The following CSK variants were observed in gnomAD, a reference collection of about 807,000 sequenced individuals.
CSK encodes C-terminal Src kinase.
CSK carries 7 observed loss-of-function variants against 62.3 expected under a neutral mutation model. The observed-to-expected ratio is 0.11, with a 90% CI of 0.06 to 0.21. The LOEUF is 0.21. Among genes scored for constraint, CSK ranks in the 10% least tolerant of loss-of-function variants. CSK has a pLI of 1.00. For synonymous variants in CSK, 237 were observed against 246.0 expected (o/e 0.96, Z 0.34); for missense variants, 294 against 613.5 (o/e 0.48, Z 5.50).
intron 1 of CSK, among the ~76,000 whole-genome samples, chr15:74,791,719 G>C (rs2063623398): frequency 6.6e-6 from 1 of 152,118 alleles, no homozygotes; most frequent in Admixed American, 6.6e-5. Flanking sequence ...TTATGACATT[G>C]ACATGAAGAG....
intron 1 of CSK, among the ~76,000 whole-genome samples, chr15:74,783,477 C>G (rs1273399351): frequency 1.3e-5 from 2 of 152,218 alleles, no homozygotes; most frequent in African/African-American, 4.8e-5. Context: ...CACCCGGGAA[C>G]CGAGGCTCAA....
chr15:74,801,707 G>A lies in CSK; in HGVS notation c.900G>A (p.Glu300=), dbSNP rs924513746. The stretch of plus-strand genomic sequence containing the variant: ...GGCCTACCCCCAGAGATGTCTGCGA[G>A]GCCATGGAATACCTGGAGGGCAACA... ...CLLKFSLDVC[E]AMEYLEGNNF... The change falls in exon 11 of 13, where the codon GAG becomes GAA. Residue 300 remains glutamate, a synonymous_variant. Coordinates refer to ENST00000220003, the MANE Select transcript of CSK (RefSeq NM_004383.3). The A allele has an allele frequency of 2.2e-5, 35 of 1,613,224 alleles. No individual in the cohort carries two copies. The highest frequency in any genetic ancestry group is 2.7e-5 in the Non-Finnish European group (32 of 1,179,440).
chr15:74,801,408 C>G (rs1202654441), intron 9 of CSK, 114 bp from the exon 10 acceptor site: 1 of 1,040,958 alleles, frequency 9.6e-7, no homozygotes, highest in African/African-American at 1.6e-5. Context: ...CTCCCCACTC[C>G]TTCCCTGTCT....
chr15:74,785,543 A>G (rs1388956804), intron 1 of CSK, among the ~76,000 whole-genome samples: 1 of 152,220 alleles, frequency 6.6e-6, no homozygotes, highest in African/African-American at 2.4e-5. Flanking sequence ...TGATATAAAT[A>G]ACAGGATGGT....
chr15:74,802,328 C>T lies in CSK; in HGVS notation c.1171-3C>T, dbSNP rs2063805615. ...ACTGACTCCTGCCTCCCCCTGGCCA[C>T]AGCCCCTGAAGGACGTCGTCCCTCG... On this transcript the variant is annotated splice_region_variant and splice_polypyrimidine_tract_variant and intron_variant, in intron 12 of 12. Transcript: ENST00000220003. 6.3e-7 allele frequency: 1 copy of T among 1,581,846 alleles called. No individual in the cohort carries two copies. Among genetic ancestry groups the T allele is most frequent in the Non-Finnish European group, 8.6e-7 (1 of 1,168,338 alleles).
In CSK at chr15:74,798,908, T is replaced by G; in HGVS notation, c.212T>G (p.Val71Gly). ...PANYVQKREG[V>G]KAGTKLSLMP... Reference sequence around the variant, plus strand: ...AACTACGTCCAGAAGCGGGAGGGCGTGAAGGCGGGTACCAAACTCAGCCTC... The same window carrying G: ...AACTACGTCCAGAAGCGGGAGGGCGGGAAGGCGGGTACCAAACTCAGCCTC... The change falls in exon 4 of 13, where the codon GTG becomes GGG. Residue 71 changes from valine to glycine, a missense_variant. Physicochemically the swap from Val to Gly is moderately radical, Grantham distance 109 (BLOSUM62 -3). Around this residue, in one of 3 missense-constraint regions of CSK, gnomAD observed 202 missense variants for 415.7 expected, o/e 0.49. Coordinates refer to ENST00000220003, the MANE Select transcript of CSK (RefSeq NM_004383.3). This position sits in a 1 kb window ranked among gnomAD's most constrained non-coding sequence, Gnocchi z 6.6. The G allele has an allele frequency of 6.5e-7, 1 of 1,537,302 alleles. No individual in the cohort carries two copies. Among genetic ancestry groups the G allele is most frequent in the Non-Finnish European group, 8.7e-7 (1 of 1,143,078 alleles).
rs773409430 is a variant in CSK at position 74,798,591 on chromosome 15, G to C, written c.16-24G>C. 6.9e-6 allele frequency: 11 copies of C among 1,603,056 alleles called. No individual in the cohort carries two copies. In the South Asian group the frequency reaches 1.2e-4, roughly 18 times the overall value. On this transcript the variant is annotated intron_variant, in intron 2 of 12. Transcript: ENST00000220003. The surrounding 1 kb of genome is among the most constrained non-coding windows in gnomAD (Gnocchi z 6.6). Reference sequence around the variant, plus strand: ...GCTGGAGGGGGCCCAGGCTGCACCCGCCCACGTGTCACCTGCCTTGCAGGC... The same window carrying C: ...GCTGGAGGGGGCCCAGGCTGCACCCCCCCACGTGTCACCTGCCTTGCAGGC...
rs1349345732 is a variant in CSK, at chr15:74,800,997, C to A, written c.723-15C>A. 6.2e-7 allele frequency: 1 copy of A among 1,613,162 alleles called. No individual in the cohort carries two copies. The highest frequency in any genetic ancestry group is 1.1e-5 in the South Asian group (1 of 91,084). ...CACCAGCTTCCCCTTTCTGACCACT[C>A]TCGTCCTGCCCCAGGCAACTGCGGC... On this transcript the variant is annotated splice_polypyrimidine_tract_variant and intron_variant, in intron 8 of 12. Coordinates refer to ENST00000220003, the MANE Select transcript of CSK (RefSeq NM_004383.3).
intron 1 of CSK, chr15:74,788,712 T>C (rs1458378705): frequency 1.3e-5 from 2 of 154,278 alleles, no homozygotes; most frequent in Non-Finnish European, 2.9e-5. Context: ...GGCCGAAGTT[T>C]TAGACAGCTT....
At chr15:74,801,210 AG>A in intron 9 of CSK, 108 bp downstream of exon 9, 1 of 1,229,106 alleles carries the variant, frequency 8.1e-7, no homozygotes. Context: ...GTGAGCTTTT[AG>A]GTCACCAGGG....
At chr15:74,801,146 C>G (rs758389871) in intron 9 of CSK, 44 bp downstream of exon 9, 2 of 1,606,438 alleles carry the variant, frequency 1.2e-6, no homozygotes, top group Non-Finnish European at 8.5e-7. Context: ...TCCAACTGCC[C>G]CGAAACCCCC....
intron 1 of CSK, among the ~76,000 whole-genome samples, chr15:74,795,801 A>G (rs970921238): frequency 1.3e-5 from 2 of 152,242 alleles, no homozygotes; most frequent in Non-Finnish European, 2.9e-5. Flanking sequence ...TCAAAAACTT[A>G]ACTACTAATA....
In CSK at chr15:74,789,994, C is replaced by T. The variant is rs533729233; in HGVS notation, c.-66+7274C>T. Among the ~76,000 whole-genome samples, 7 of 152,328 alleles carry T rather than the reference C, an allele frequency of 4.6e-5. No individual in the cohort carries two copies. In the East Asian group the frequency reaches 7.7e-4, roughly 17 times the overall value. On this transcript the variant is annotated intron_variant, in intron 1 of 12. Transcript: ENST00000220003. Reference sequence around the variant, plus strand: ...GCAGGACCTCTTGAGTCCTTTCCTTCTCCACCCGGATATCCTGGCCTACCA... The same window carrying T: ...GCAGGACCTCTTGAGTCCTTTCCTTTTCCACCCGGATATCCTGGCCTACCA...
At chr15:74,794,938 C>T (rs1249047097) in intron 1 of CSK, among the ~76,000 whole-genome samples, 1 of 152,146 alleles carries the variant, frequency 6.6e-6, no homozygotes, top group Admixed American at 6.5e-5. Flanking sequence ...AGAGTTTATG[C>T]CAGGCCCACT....
chr15:74,792,190 A>G (rs1476520007), intron 1 of CSK, among the ~76,000 whole-genome samples: 1 of 151,930 alleles, frequency 6.6e-6, no homozygotes, highest in Non-Finnish European at 1.5e-5. Flanking sequence ...TCTCCCCATC[A>G]TCTCCTGCTA....
At chr15:74,800,291 C>T in intron 5 of CSK, 121 bp from the exon 6 acceptor site, 3 of 805,816 alleles carry the variant, frequency 3.7e-6, no homozygotes, top group Non-Finnish European at 6.3e-6. Flanking sequence ...GGAGCCCTCC[C>T]CACTCAGTGA....
At position 74,798,444 on chromosome 15, in the gene CSK, C is replaced by T; in HGVS notation, c.15+132C>T. On this transcript the variant is annotated intron_variant, in intron 2 of 12. Coordinates refer to ENST00000220003, the MANE Select transcript of CSK (RefSeq NM_004383.3). This position sits in a 1 kb window ranked among gnomAD's most constrained non-coding sequence, Gnocchi z 6.6. Reference sequence around the variant, plus strand: ...TCCCAGCACTCAGTCAGGTACAGGCCTGGGGAAGTGGGGGAGTCTCAACAG... The same window carrying T: ...TCCCAGCACTCAGTCAGGTACAGGCTTGGGGAAGTGGGGGAGTCTCAACAG... 7.5e-7 allele frequency: 1 copy of T among 1,332,046 alleles called. No homozygotes were observed. Among genetic ancestry groups the T allele is most frequent in the Non-Finnish European group, 1.1e-6 (1 of 947,886 alleles). The allele number at this position is 1,332,046 out of a possible 1,614,324, so 82.5% of individuals were successfully genotyped here. A position where few individuals can be genotyped will look rare whatever the true frequency, so the allele number is the denominator to read the frequency against.
intron 1 of CSK, among the ~76,000 whole-genome samples, chr15:74,788,945 C>T (rs542007111): frequency 1.1e-3 from 170 of 152,306 alleles, no homozygotes; most frequent in African/African-American, 3.9e-3. Flanking sequence ...CATTGCCCAG[C>T]GCACATAGGT....
intron 1 of CSK, among the ~76,000 whole-genome samples, chr15:74,789,134 A>T (rs557796503): frequency 1.3e-5 from 2 of 152,336 alleles, no homozygotes; most frequent in African/African-American, 4.8e-5. Context: ...GGGGAAAAAA[A>T]GCCAGTGTGT....
Sources: gnomAD v4.1 joint callset for allele counts (sites outside exome capture counted in the v4.1 genomes callset) on GRCh38, gnomAD v4.1.1 for gene constraint, gnomAD v4.1.1 regional missense constraint, Gnocchi (gnomAD v3.1) non-coding constraint, MANE v1.5 for transcripts, NCBI Gene and HGNC (gene_info 2026-07-23, HGNC 2026-07-21) for gene names.